UIMC1: variants seen among roughly 807,000 people sequenced by gnomAD.
UIMC1 encodes the protein BRCA1-A complex subunit RAP80.
A neutral mutation model predicts 84.9 loss-of-function variants in UIMC1; 42 were observed. That is an observed-to-expected ratio of 0.49 (90% CI 0.39 to 0.64). The LOEUF is 0.64. Ranked by LOEUF, UIMC1 falls within the 30% of genes least tolerant of loss-of-function variation. The pLI is 0.00. For synonymous variants in UIMC1, 281 were observed against 293.0 expected (o/e 0.96, Z 0.42); for missense variants, 825 against 847.6 (o/e 0.97, Z 0.33).
At chr5:176,980,034 G>A (rs1581626320) in intron 2 of UIMC1, 2 of 152,014 alleles carry the variant, frequency 1.3e-5, no homozygotes, top group South Asian at 2.1e-4. Context: ...CCTGGAGCTG[G>A]GACACATTCT....
At chr5:177,010,666 C>T (rs557952884), upstream of UIMC1, among the ~76,000 whole-genome samples, 9 of 152,088 alleles carry the variant, frequency 5.9e-5, no homozygotes, top group South Asian at 2.1e-4. Flanking sequence ...GGATTACAGG[C>T]GTGTGCCACT....
At chr5:176,981,799 A>T (rs940860812) in intron 2 of UIMC1, among the ~76,000 whole-genome samples, 50 of 152,222 alleles carry the variant, frequency 3.3e-4, no homozygotes, top group African/African-American at 1.1e-3. Context: ...AGAAAAAAAA[A>T]ATATATAGGA....
At chr5:176,972,918 C>CTT (rs56373708) in intron 3 of UIMC1, among the ~76,000 whole-genome samples, 2 of 137,920 alleles carry the variant, frequency 1.5e-5, no homozygotes, top group Non-Finnish European at 3.1e-5. Context: ...CTGGCAACTT[C>CTT]TTTTTTTTTT....
Position 177,017,570 on chromosome 5 carries a change from G to C in UIMC1, c.-9+4894C>G, listed in dbSNP as rs368358968. Among the ~76,000 whole-genome samples, 17 of 151,834 alleles carry C rather than the reference G, an allele frequency of 1.1e-4. No individual in the cohort carries two copies. In the East Asian group the frequency reaches 3.1e-3, roughly 28 times the overall value. ...GCCTAGCTAATTTTTGTATTTTTTA[G>C]TAGAGACGAGGTTTCACCATTTGAA... On this transcript the variant is annotated intron_variant, in intron 1 of 5. Coordinates refer to the UIMC1 transcript ENST00000509236.
intron 10 of UIMC1, among the ~76,000 whole-genome samples, chr5:176,942,777 AGGTGCAGTG>A (rs1267243354): frequency 1.4e-5 from 2 of 147,064 alleles, no homozygotes; most frequent in East Asian, 4.0e-4. Flanking sequence ...AGGTTGGGCC[AGGTGCAGTG>A]GGTCACACCT....
rs1052566080 is a variant in UIMC1 at position 176,980,643 on chromosome 5, A to AT, written c.147+1825dup. Among the ~76,000 whole-genome samples, 3 of 151,108 alleles carry AT rather than the reference A, an allele frequency of 2.0e-5. No individual in the cohort carries two copies. In the South Asian group the frequency reaches 6.3e-4, roughly 32 times the overall value. On this transcript the variant is annotated intron_variant, in intron 2 of 14. Coordinates refer to ENST00000511320, the MANE Select transcript of UIMC1 (RefSeq NM_001199298.2). ...TCTAAACTGTTATGTTATGGCTTGG[A>AT]TTTTTTTTTAAACATATATGTATAC...
chr5:176,938,420 G>A (rs1005663603), intron 10 of UIMC1, among the ~76,000 whole-genome samples: 2 of 152,120 alleles, frequency 1.3e-5, no homozygotes, highest in African/African-American at 4.8e-5. Context: ...AACGTACTGA[G>A]TACCTATTGT....
chr5:176,966,858 A>T (rs1450687808), intron 6 of UIMC1, among the ~76,000 whole-genome samples: 1 of 152,230 alleles, frequency 6.6e-6, no homozygotes, highest in Non-Finnish European at 1.5e-5. Flanking sequence ...AAACCAATAG[A>T]TTATCAAAAG....
Position 176,956,047 on chromosome 5 carries a change from C to T in UIMC1, c.1263-12G>A, listed in dbSNP as rs750251795. On this transcript the variant is annotated splice_polypyrimidine_tract_variant and intron_variant, in intron 7 of 14. Coordinates refer to ENST00000511320, the MANE Select transcript of UIMC1 (RefSeq NM_001199298.2). ...TCAAAGCAGCAACACTGAAAGAGAA[C>T]CAAATCCCAAATGAATTCCCAGTAA... The T allele has an allele frequency of 6.2e-7, 1 of 1,611,468 alleles. No individual in the cohort carries two copies. Among genetic ancestry groups the T allele is most frequent in the Non-Finnish European group, 8.5e-7 (1 of 1,178,674 alleles).
chr5:176,905,655 CA>C, intron 14 of UIMC1, 163 bp from the exon 15 acceptor site: 1 of 719,686 alleles, frequency 1.4e-6, no homozygotes, highest in East Asian at 2.7e-5. Context: ...CAGATGAGGT[CA>C]CTGGGTAAAT....
At chr5:176,983,320 C>T (rs1008224375) in intron 1 of UIMC1, among the ~76,000 whole-genome samples, 15 of 151,938 alleles carry the variant, frequency 9.9e-5, no homozygotes, top group African/African-American at 3.4e-4. Flanking sequence ...CTGCAACCTC[C>T]CTGCCTCAGG....
intron 10 of UIMC1, among the ~76,000 whole-genome samples, chr5:176,941,041 T>A (rs1032180516): frequency 6.6e-6 from 1 of 152,146 alleles, no homozygotes; most frequent in East Asian, 1.9e-4. Context: ...TGGGAAATAA[T>A]CCCAAAATAC....
intron 1 of UIMC1, among the ~76,000 whole-genome samples, chr5:176,987,430 G>A (rs563187638): frequency 5.9e-5 from 9 of 151,970 alleles, no homozygotes; most frequent in Non-Finnish European, 1.2e-4. Flanking sequence ...TGTATCACTC[G>A]AGGTGAGGAG....
intron 1 of UIMC1, among the ~76,000 whole-genome samples, chr5:176,992,023 A>C (rs1166580200): frequency 1.3e-5 from 2 of 152,106 alleles, no homozygotes; most frequent in East Asian, 3.9e-4. Flanking sequence ...TTGAGAGGCT[A>C]AAGTGGCATG....
Position 176,911,366 on chromosome 5 carries a change from C to T in UIMC1, c.1621G>A (p.Ala541Thr), listed in dbSNP as rs1417192701. The T allele has an allele frequency of 2.5e-6, 4 of 1,594,918 alleles. No homozygotes were observed. Among genetic ancestry groups the T allele is most frequent in the Admixed American group, 1.7e-5 (1 of 59,202 alleles). The change falls in exon 11 of 15, where the codon GCC becomes ACC. Residue 541 changes from alanine to threonine, a missense_variant. Coordinates refer to ENST00000511320, the MANE Select transcript of UIMC1 (RefSeq NM_001199298.2). ...DTVLTRRQKE[A>T]KTKSDSGTAA... ...GTCCCACTGTCACTCTTGGTCTTGGCCTCTTTTTGTCTCCGAGTCAATACT... is the reference window on the plus strand; with the variant it reads ...GTCCCACTGTCACTCTTGGTCTTGGTCTCTTTTTGTCTCCGAGTCAATACT...
In UIMC1 at chr5:176,952,385, G is replaced by A. The variant is rs1056486746; in HGVS notation, c.1340-808C>T. ...ACATCAAGTCCCAGGCATTATACTC[G>A]CTATCAGTAATATGAAAATCTAAGA... On this transcript the variant is annotated intron_variant, in intron 8 of 14. Transcript: ENST00000511320. 5.3e-5 allele frequency among the ~76,000 whole-genome samples: 8 copies of A among 152,138 alleles called. No individual in the cohort carries two copies. The South Asian group carries it at 6.2e-4, about 12-fold the overall frequency.
At chr5:177,006,966 T>G (rs1230077778), upstream of UIMC1, among the ~76,000 whole-genome samples, 2 of 152,166 alleles carry the variant, frequency 1.3e-5, no homozygotes, top group Non-Finnish European at 2.9e-5. Context: ...GCAAAATGTA[T>G]AGAACGGCCA....
intron 1 of UIMC1, among the ~76,000 whole-genome samples, chr5:176,986,558 G>C (rs6867605): frequency 9.6e-6 from 1 of 103,802 alleles, no homozygotes; most frequent in Non-Finnish European, 2.0e-5. Flanking sequence ...AAAAAAAAAA[G>C]GCTGGGCACA....
chr5:176,921,854 C>T (rs1021297539), intron 10 of UIMC1, among the ~76,000 whole-genome samples: 6 of 152,156 alleles, frequency 3.9e-5, no homozygotes, highest in African/African-American at 1.4e-4. Context: ...TCTCAACCCC[C>T]CTATGGCTTT....
Sources: allele counts gnomAD v4.1 joint callset (sites outside exome capture counted in the v4.1 genomes callset), GRCh38; gene constraint gnomAD v4.1.1; transcripts MANE v1.5; gene names NCBI Gene and HGNC (gene_info 2026-07-23, HGNC 2026-07-21).